The following RMDN2 variants were observed in gnomAD, a reference collection of about 807,000 sequenced individuals.
RMDN2 encodes the protein regulator of microtubule dynamics 2, also known as regulator of microtubule dynamics protein 2.
RMDN2 carries 61 observed loss-of-function variants against 52.8 expected under a neutral mutation model. That is an observed-to-expected ratio of 1.16 (90% confidence interval 0.94 to 1.43). The LOEUF (loss-of-function observed/expected upper bound fraction) is 1.43. Among genes scored for constraint, RMDN2 ranks in the 40% most tolerant of loss-of-function variants. The pLI is 0.00. For synonymous variants in RMDN2, 180 were observed against 153.1 expected (o/e 1.18, Z -1.30); for missense variants, 592 against 475.3 (o/e 1.25, Z -2.28).
At chr2:37,980,365 G>A (rs1266583695) in intron 4 of RMDN2, among the ~76,000 whole-genome samples, 2 of 152,014 alleles carry the variant, frequency 1.3e-5, no homozygotes, top group East Asian at 1.9e-4. Context: ...GTGCAATGGC[G>A]CAATCTCAGC....
intron 4 of RMDN2, among the ~76,000 whole-genome samples, chr2:37,978,203 G>A (rs1197414086): frequency 6.6e-6 from 1 of 151,896 alleles, no homozygotes; most frequent in Admixed American, 6.5e-5. Flanking sequence ...GCCTGCAATC[G>A]CAGGTACTTG....
At chr2:37,941,641 T>C (rs1042483333) in intron 2 of RMDN2, among the ~76,000 whole-genome samples, 1 of 152,190 alleles carries the variant, frequency 6.6e-6, no homozygotes, top group Non-Finnish European at 1.5e-5. Flanking sequence ...TGCTTTGCAG[T>C]GCTGCGGTGG....
intron 10 of RMDN2, among the ~76,000 whole-genome samples, chr2:38,057,270 C>T (rs1337519270): frequency 6.6e-6 from 1 of 152,176 alleles, no homozygotes; most frequent in Non-Finnish European, 1.5e-5. Context: ...TACAACTACC[C>T]AACTCTGCTG....
intron 2 of RMDN2, among the ~76,000 whole-genome samples, chr2:37,964,081 G>A (rs1426471588): frequency 1.4e-4 from 21 of 151,144 alleles, no homozygotes; most frequent in African/African-American, 7.3e-5. Flanking sequence ...GGGCGGAGGC[G>A]CTCCTCACTT....
At chr2:38,003,494 A>G (rs2125188820) in intron 8 of RMDN2, among the ~76,000 whole-genome samples, 1 of 152,250 alleles carries the variant, frequency 6.6e-6, no homozygotes, top group South Asian at 2.1e-4. Context: ...CGGAGGTTGC[A>G]GTGAGCTGAG....
At chr2:37,962,856 C>T (rs570213216) in intron 2 of RMDN2, among the ~76,000 whole-genome samples, 3 of 152,188 alleles carry the variant, frequency 2.0e-5, no homozygotes, top group African/African-American at 7.2e-5. Flanking sequence ...ATCTCGCGGT[C>T]TGCGGGTTGC....
intron 10 of RMDN2, among the ~76,000 whole-genome samples, chr2:38,061,435 C>T (rs7578953): frequency 6.6e-6 from 1 of 151,992 alleles, no homozygotes; most frequent in Non-Finnish European, 1.5e-5. Context: ...GATTTTGTGA[C>T]CATAAAAATC....
intron 2 of RMDN2, among the ~76,000 whole-genome samples, chr2:37,957,356 C>T (rs1349951833): frequency 8.5e-5 from 13 of 152,110 alleles, no homozygotes; most frequent in Admixed American, 1.3e-4. Context: ...TTCTAACTGG[C>T]GTGAGATGGT....
In RMDN2 at chr2:37,929,443, G is replaced by C; in HGVS notation, c.166G>C (p.Asp56His). Residue 56 changes from aspartate (D) to histidine (H), a missense_variant, in exon 2 of 11, where the codon GAT becomes CAT. Transcript: ENST00000354545. ...GNTFNSITLQ[D>H]EIHDDQGTTV... ...TACATTTAATTCAATAACTTTGCAAGATGAAATACATGATGACCAAGGAAC... is the reference window on the plus strand; with the variant it reads ...TACATTTAATTCAATAACTTTGCAACATGAAATACATGATGACCAAGGAAC... 6.4e-7 allele frequency: 1 copy of C among 1,551,678 alleles called. No individual in the cohort carries two copies. The highest frequency in any genetic ancestry group is 8.7e-7 in the Non-Finnish European group (1 of 1,146,978).
At chr2:38,032,021 C>T (rs550801955) in intron 10 of RMDN2, among the ~76,000 whole-genome samples, 5 of 152,210 alleles carry the variant, frequency 3.3e-5, no homozygotes, top group Non-Finnish European at 7.3e-5. Flanking sequence ...AGTGCTCTCT[C>T]TCTCTCACTG....
upstream of RMDN2, among the ~76,000 whole-genome samples, chr2:37,921,011 T>C (rs985916044): frequency 3.3e-5 from 5 of 152,270 alleles, no homozygotes; most frequent in Non-Finnish European, 4.4e-5. Flanking sequence ...TTAATGTTTC[T>C]AATGAAATAG....
intron 2 of RMDN2, among the ~76,000 whole-genome samples, chr2:37,970,154 G>A (rs912693299): frequency 1.3e-5 from 2 of 152,008 alleles, no homozygotes; most frequent in African/African-American, 4.8e-5. Flanking sequence ...GCTAGTTTTG[G>A]ACTCCTGGGC....
chr2:38,056,554 A>G (rs900636219), intron 10 of RMDN2, among the ~76,000 whole-genome samples: 1 of 152,230 alleles, frequency 6.6e-6, no homozygotes, highest in African/African-American at 2.4e-5. Flanking sequence ...GATGGCCTGG[A>G]TGATCTGAAT....
chr2:37,943,270 A>T (rs1399862098), intron 2 of RMDN2, among the ~76,000 whole-genome samples: 3 of 152,184 alleles, frequency 2.0e-5, no homozygotes, highest in African/African-American at 7.2e-5. Context: ...AAAGGTGGAT[A>T]AGCCTGAAAA....
chr2:38,009,405 G>A (rs201069061), intron 10 of RMDN2, among the ~76,000 whole-genome samples: 9 of 152,162 alleles, frequency 5.9e-5, no homozygotes, highest in Middle Eastern at 3.4e-3. Context: ...GGCTTTGTTC[G>A]TTTCTTTTTA....
At chr2:37,937,494 G>T (rs1197003614) in intron 2 of RMDN2, among the ~76,000 whole-genome samples, 1 of 152,106 alleles carries the variant, frequency 6.6e-6, no homozygotes, top group African/African-American at 2.4e-5. Context: ...GAGGAGTGTG[G>T]CCATTTTCAC....
chr2:38,039,047 TACACACACAC>T (rs71414270), intron 10 of RMDN2, among the ~76,000 whole-genome samples: 339 of 127,390 alleles, frequency 2.7e-3, no homozygotes, highest in African/African-American at 3.4e-3. Flanking sequence ...CCAGATGCTA[TACACACACAC>T]ACACACACAC....
rs1672158963 is a variant in RMDN2 at position 37,974,162 on chromosome 2, G to T, written c.575G>T (p.Ser192Ile). Reference protein sequence around the residue: ...LLQKVDHLRMSESGKSESFEL... With the variant: ...LLQKVDHLRMIESGKSESFEL... ...CAGAAGGTAGATCATTTACGTATGA[G>T]TGAGTCTGGCAAGTCGGAGAGTTTT... Residue 192 changes from serine to isoleucine, a missense_variant, in exon 3 of 11, where the codon AGT becomes ATT. By Grantham distance (142) the Ser-to-Ile change is moderately radical. Coordinates refer to ENST00000354545, the MANE Select transcript of RMDN2 (RefSeq NM_001170791.3). The T allele has an allele frequency of 6.2e-7, 1 of 1,613,570 alleles. No individual in the cohort carries two copies. The highest frequency in any genetic ancestry group is 1.1e-5 in the South Asian group (1 of 91,024).
intron 10 of RMDN2, among the ~76,000 whole-genome samples, chr2:38,024,177 T>G (rs1314093679): frequency 6.6e-6 from 1 of 152,196 alleles, no homozygotes. Flanking sequence ...AGTTTGCTTC[T>G]CCACTCATCT....
Sources: gnomAD v4.1 joint callset for allele counts (sites outside exome capture counted in the v4.1 genomes callset) on GRCh38, gnomAD v4.1.1 for gene constraint, MANE v1.5 for transcripts, NCBI Gene and HGNC (gene_info 2026-07-23, HGNC 2026-07-21) for gene names.